The following CRPPA variants were observed in gnomAD, a reference collection of about 807,000 sequenced individuals.
CRPPA encodes the protein D-ribitol-5-phosphate cytidylyltransferase.
CRPPA carries 43 observed loss-of-function variants against 52.0 expected under a neutral mutation model. The ratio of observed to expected loss-of-function variants is 0.83; its 90% CI spans 0.65 to 1.07. The LOEUF (loss-of-function observed/expected upper bound fraction) is 1.07, where lower values mean the gene tolerates loss of function less well. Among genes scored for constraint, CRPPA ranks in the 50% least tolerant of loss-of-function variants. The pLI, the probability that CRPPA is intolerant of heterozygous loss-of-function variation, is 0.00. For synonymous variants in CRPPA, 250 were observed against 203.5 expected (o/e 1.23, Z -1.94); for missense variants, 629 against 551.7 (o/e 1.14, Z -1.40).
chr7:16,359,267 C>A (rs1313424018), intron 3 of CRPPA, among the ~76,000 whole-genome samples: 1 of 152,136 alleles, frequency 6.6e-6, no homozygotes, highest in Non-Finnish European at 1.5e-5. Context: ...CTGGGAGCAC[C>A]ACCACACCCA....
intron 9 of CRPPA, among the ~76,000 whole-genome samples, chr7:16,171,308 C>T (rs1431616093): frequency 6.6e-6 from 1 of 152,158 alleles, no homozygotes; most frequent in Non-Finnish European, 1.5e-5. Flanking sequence ...AAAATTTACA[C>T]AATAAAATAT....
At chr7:16,378,920 T>C (rs1471655084) in intron 2 of CRPPA, among the ~76,000 whole-genome samples, 1 of 152,208 alleles carries the variant, frequency 6.6e-6, no homozygotes, top group African/African-American at 2.4e-5. Context: ...TTTTGAGAAG[T>C]GTCTGTTCAT....
chr7:16,258,332 AT>A, intron 8 of CRPPA, 57 bp downstream of exon 8: 1 of 1,067,554 alleles, frequency 9.4e-7, no homozygotes, highest in Admixed American at 2.3e-5. Context: ...AAATATGTAC[AT>A]TGAGTTACAA....
At chr7:16,263,518 G>A (rs1003276281) in intron 6 of CRPPA, among the ~76,000 whole-genome samples, 12 of 152,140 alleles carry the variant, frequency 7.9e-5, no homozygotes, top group Admixed American at 5.2e-4. Flanking sequence ...CTGGGAGGCC[G>A]AGGTGGGTGG....
At chr7:16,354,035 A>G (rs909424642) in intron 3 of CRPPA, among the ~76,000 whole-genome samples, 2 of 152,084 alleles carry the variant, frequency 1.3e-5, no homozygotes, top group Non-Finnish European at 2.9e-5. Context: ...TCAAGCAGCT[A>G]TACCATAAAA....
At chr7:16,206,117 C>T (rs1170448937) in intron 9 of CRPPA, among the ~76,000 whole-genome samples, 1 of 152,060 alleles carries the variant, frequency 6.6e-6, no homozygotes, top group Non-Finnish European at 1.5e-5. Context: ...TACCTTCATA[C>T]ATTAAAAAAT....
At chr7:16,166,341 A>G (rs1781064387) in intron 9 of CRPPA, among the ~76,000 whole-genome samples, 1 of 151,666 alleles carries the variant, frequency 6.6e-6, no homozygotes, top group South Asian at 2.1e-4. Context: ...GTGCAGTGGC[A>G]TGATCTCAGC....
chr7:16,383,047 CT>C (rs1162517687), intron 2 of CRPPA, among the ~76,000 whole-genome samples: 6 of 152,210 alleles, frequency 3.9e-5, no homozygotes, highest in Non-Finnish European at 8.8e-5. Flanking sequence ...AACTGCGTTC[CT>C]TTGGAGGAGG....
chr7:16,137,271 C>T (rs1453833558), intron 9 of CRPPA, among the ~76,000 whole-genome samples: 2 of 152,198 alleles, frequency 1.3e-5, no homozygotes, highest in Non-Finnish European at 2.9e-5. Context: ...GGAATCAGGT[C>T]CTCACCAAAC....
At chr7:16,267,669 C>A (rs1783989341) in intron 6 of CRPPA, among the ~76,000 whole-genome samples, 1 of 152,048 alleles carries the variant, frequency 6.6e-6, no homozygotes, top group Non-Finnish European at 1.5e-5. Context: ...CAACTTTTTT[C>A]CCTCAAATTC....
intron 2 of CRPPA, among the ~76,000 whole-genome samples, chr7:16,397,525 G>T (rs1787632973): frequency 6.6e-6 from 1 of 151,078 alleles, no homozygotes; most frequent in South Asian, 2.1e-4. Context: ...CATGTGACAT[G>T]ATCAACACAA....
chr7:16,120,910 G>T (rs1003295304), intron 9 of CRPPA, among the ~76,000 whole-genome samples: 2 of 152,042 alleles, frequency 1.3e-5, no homozygotes, highest in Admixed American at 6.6e-5. Flanking sequence ...AATGTAAAGA[G>T]ATAATGATAA....
intron 8 of CRPPA, among the ~76,000 whole-genome samples, chr7:16,240,318 C>T (rs752184749): frequency 9.2e-5 from 14 of 151,386 alleles, no homozygotes; most frequent in African/African-American, 2.7e-4. Context: ...CAGCAGAAAA[C>T]GCATGAAAAA....
intron 3 of CRPPA, among the ~76,000 whole-genome samples, chr7:16,324,159 A>G (rs1444842597): frequency 6.6e-6 from 1 of 152,158 alleles, no homozygotes; most frequent in African/African-American, 2.4e-5. Flanking sequence ...TATTGCACAC[A>G]TACACACAAA....
At chr7:16,199,548 G>A (rs944198369) in intron 9 of CRPPA, among the ~76,000 whole-genome samples, 6 of 151,902 alleles carry the variant, frequency 3.9e-5, no homozygotes, top group African/African-American at 7.3e-5. Context: ...AGCCCTCCTC[G>A]AAAAAATTAA....
At chr7:16,216,434 G>A (rs1364297959) in intron 8 of CRPPA, 5 of 323,730 alleles carry the variant, frequency 1.5e-5, no homozygotes, top group Non-Finnish European at 2.8e-5. Flanking sequence ...ATGCTGGGGA[G>A]GAGCCAAGAT....
intron 9 of CRPPA, among the ~76,000 whole-genome samples, chr7:16,163,194 T>C (rs1780950321): frequency 6.6e-6 from 1 of 151,616 alleles, no homozygotes; most frequent in Non-Finnish European, 1.5e-5. Context: ...CAGGATGGTC[T>C]TGATCTCCTG....
chr7:16,111,224 T>C (rs1212474961), intron 9 of CRPPA, among the ~76,000 whole-genome samples: 2 of 152,036 alleles, frequency 1.3e-5, no homozygotes, highest in Non-Finnish European at 2.9e-5. Context: ...TAACCTACAA[T>C]AAGATATCAT....
chr7:16,419,577 C>T (rs1012492217), intron 1 of CRPPA, among the ~76,000 whole-genome samples: 1 of 152,160 alleles, frequency 6.6e-6, no homozygotes, highest in Non-Finnish European at 1.5e-5. Flanking sequence ...CAAATTGCTC[C>T]TGGGGATAAC....
Sources: allele counts gnomAD v4.1 joint callset (sites outside exome capture counted in the v4.1 genomes callset), GRCh38; gene constraint gnomAD v4.1.1; transcripts MANE v1.5; gene names NCBI Gene and HGNC (gene_info 2026-07-23, HGNC 2026-07-21).